TP63: variants seen among roughly 807,000 people sequenced by gnomAD.
TP63 encodes tumor protein p63, also known as tumor protein 63.
A neutral mutation model predicts 82.8 loss-of-function variants in TP63; 17 were observed. That is an observed-to-expected ratio of 0.21 (90% confidence interval 0.14 to 0.31). TP63 has a LOEUF of 0.31. TP63 is among the 10% of genes least tolerant of loss of function. The probability of loss-of-function intolerance (pLI) is 1.00; values close to 1 mark genes in which losing one functional copy is unlikely to be tolerated. For synonymous variants in TP63, 330 were observed against 321.7 expected, an observed-to-expected ratio of 1.03 and a Z score of -0.28; for missense variants, 648 against 895.3, an observed-to-expected ratio of 0.72 and a Z score of 3.52.
intron 10 of TP63, chr3:189,880,326 C>T (rs1444271394): frequency 1.5e-6 from 2 of 1,303,248 alleles, no homozygotes; most frequent in Non-Finnish European, 2.0e-6. Context: ...CTCAAAGGCA[C>T]AAAGCCACTA....
At chr3:189,691,336 C>A (rs2108719829) in intron 1 of TP63, among the ~76,000 whole-genome samples, 1 of 59,022 alleles carries the variant, frequency 1.7e-5, no homozygotes. Flanking sequence ...GAGACTCCAT[C>A]TCAAAAAAAA....
intron 1 of TP63, among the ~76,000 whole-genome samples, chr3:189,720,736 G>GAAAAAAA (rs548352369): frequency 2.5e-5 from 3 of 120,912 alleles, no homozygotes; most frequent in African/African-American, 6.3e-5. Flanking sequence ...CTCCGTCTCA[G>GAAAAAAA]AAAAAAAAAA....
chr3:189,880,294 C>T (rs1332209006), intron 10 of TP63: 1 of 1,360,010 alleles, frequency 7.4e-7, no homozygotes, highest in African/African-American at 1.5e-5. Context: ...CTTGAAGACA[C>T]TTTGGCTCAG....
At chr3:189,809,735 A>G (rs1727323951) in intron 4 of TP63, among the ~76,000 whole-genome samples, 1 of 152,226 alleles carries the variant, frequency 6.6e-6, no homozygotes, top group Non-Finnish European at 1.5e-5. Context: ...AGTTTATAAA[A>G]TGATCGGCAT....
intron 1 of TP63, among the ~76,000 whole-genome samples, chr3:189,659,237 G>A (rs1713662022): frequency 6.6e-6 from 1 of 151,880 alleles, no homozygotes; most frequent in South Asian, 2.1e-4. Context: ...AGTCACCAGT[G>A]TCTACTGTTG....
chr3:189,746,215 G>C (rs1387632197), intron 3 of TP63, among the ~76,000 whole-genome samples: 1 of 151,580 alleles, frequency 6.6e-6, no homozygotes, highest in East Asian at 1.9e-4. Flanking sequence ...ACAAAGAGTG[G>C]GTTACTCAGC....
chr3:189,794,406 GGAA>G (rs1725480119), intron 3 of TP63, among the ~76,000 whole-genome samples: 1 of 151,932 alleles, frequency 6.6e-6, no homozygotes, highest in African/African-American at 2.4e-5. Flanking sequence ...CCATGATGTA[GGAA>G]GATCAAGAAA....
chr3:189,644,573 T>C (rs1027447710), intron 1 of TP63, among the ~76,000 whole-genome samples: 1 of 152,118 alleles, frequency 6.6e-6, no homozygotes, highest in African/African-American at 2.4e-5. Context: ...TGGTTTTTGG[T>C]TACATGGATA....
intron 4 of TP63, among the ~76,000 whole-genome samples, chr3:189,840,857 C>CAAAA (rs58360712): frequency 1.7e-4 from 17 of 97,278 alleles, no homozygotes; most frequent in African/African-American, 4.5e-4. Flanking sequence ...ACTCAGTCTC[C>CAAAA]AAAAAAAAAA....
intron 3 of TP63, among the ~76,000 whole-genome samples, chr3:189,795,610 T>C (rs1160196441): frequency 6.6e-6 from 1 of 152,040 alleles, no homozygotes; most frequent in Non-Finnish European, 1.5e-5. Context: ...ACATAGTATA[T>C]TGATTTAAAA....
At chr3:189,868,120 G>C (rs1225789083) in intron 7 of TP63, among the ~76,000 whole-genome samples, 178 bp downstream of exon 7, 2 of 152,196 alleles carry the variant, frequency 1.3e-5, no homozygotes, top group Admixed American at 1.3e-4. Context: ...GACAAAGGAA[G>C]GTGGGTAAAG....
intron 4 of TP63, among the ~76,000 whole-genome samples, chr3:189,860,132 A>G (rs578183794): frequency 9.2e-5 from 14 of 152,220 alleles, no homozygotes; most frequent in African/African-American, 3.4e-4. Flanking sequence ...ACCACATAAA[A>G]CAAAACCCCC....
chr3:189,701,152 A>G (rs1717770566), intron 1 of TP63, among the ~76,000 whole-genome samples: 1 of 152,134 alleles, frequency 6.6e-6, no homozygotes, highest in Admixed American at 6.5e-5. Context: ...CTGTGAGTCC[A>G]TTAAACCTCT....
chr3:189,757,779 T>C (rs1426685143), intron 3 of TP63, among the ~76,000 whole-genome samples: 2 of 152,152 alleles, frequency 1.3e-5, no homozygotes, highest in Non-Finnish European at 2.9e-5. Context: ...CATAAGGTGA[T>C]GGTCAGGCAG....
intron 1 of TP63, chr3:189,645,481 T>G (rs189098510): frequency 1.1e-3 from 248 of 231,182 alleles, no homozygotes; most frequent in Middle Eastern, 2.9e-3. Flanking sequence ...TTTTTTTTAT[T>G]TTTTATTGTG....
intron 1 of TP63, among the ~76,000 whole-genome samples, chr3:189,643,220 C>T (rs1712076763): frequency 6.6e-6 from 1 of 152,012 alleles, no homozygotes; most frequent in Non-Finnish European, 1.5e-5. Context: ...AGGCTGGTCT[C>T]GAACTCCTGA....
intron 3 of TP63, among the ~76,000 whole-genome samples, chr3:189,790,965 G>A (rs1342160317): frequency 3.3e-5 from 5 of 152,104 alleles, no homozygotes; most frequent in East Asian, 1.9e-4. Flanking sequence ...GGGAAATATC[G>A]AGTTATCTAA....
chr3:189,880,151 GC>G, intron 10 of TP63: 1 of 1,613,682 alleles, frequency 6.2e-7, no homozygotes, highest in Non-Finnish European at 8.5e-7. Flanking sequence ...GACATTCCAA[GC>G]CCCCAAACCG....
At chr3:189,804,532 T>C (rs561554210) in intron 3 of TP63, among the ~76,000 whole-genome samples, 1 of 152,360 alleles carries the variant, frequency 6.6e-6, no homozygotes, top group African/African-American at 2.4e-5. Flanking sequence ...GTGACACTTG[T>C]TCTTCTTGAC....
Sources: allele counts gnomAD v4.1 joint callset (sites outside exome capture counted in the v4.1 genomes callset), GRCh38; gene constraint gnomAD v4.1.1; transcripts MANE v1.5; gene names NCBI Gene and HGNC (gene_info 2026-07-23, HGNC 2026-07-21).